Variants in UCK2 observed in about 807,000 individuals in gnomAD.
UCK2 encodes the protein cytidine monophosphokinase 2.
UCK2 carries 6 observed loss-of-function variants against 30.8 expected under a neutral mutation model. The ratio of observed to expected loss-of-function variants is 0.19; its 90% CI spans 0.11 to 0.38. The LOEUF (loss-of-function observed/expected upper bound fraction) is 0.38. Among genes scored for constraint, UCK2 ranks in the 10% least tolerant of loss-of-function variants. The probability of loss-of-function intolerance (pLI) is 1.00; values close to 1 mark genes in which losing one functional copy is unlikely to be tolerated. For missense variants in UCK2, 210 were observed against 339.8 expected, an observed-to-expected ratio of 0.62 and a Z score of 3.00; for synonymous variants, 125 against 133.6, an observed-to-expected ratio of 0.94 and a Z score of 0.45.
At chr1:165,868,669 C>T (rs1655112416) in intron 1 of UCK2, among the ~76,000 whole-genome samples, 1 of 152,204 alleles carries the variant, frequency 6.6e-6, no homozygotes, top group South Asian at 2.1e-4. Context: ...AGAGTTAGGG[C>T]CTTGCTCTGG....
At chr1:165,903,140 T>C in intron 4 of UCK2, 42 bp from the exon 5 acceptor site, 1 of 1,541,194 alleles carries the variant, frequency 6.5e-7, no homozygotes, top group Non-Finnish European at 9.0e-7. Context: ...GTGTGCTGGC[T>C]CCTACACCGT....
At chr1:165,878,158 C>T (rs545742619) in intron 1 of UCK2, among the ~76,000 whole-genome samples, 1 of 152,152 alleles carries the variant, frequency 6.6e-6, no homozygotes, top group Non-Finnish European at 1.5e-5. Context: ...TTCCCCTAAC[C>T]CCTGGCAACC....
intron 1 of UCK2, among the ~76,000 whole-genome samples, chr1:165,860,772 T>C (rs80124829): frequency 0.16 from 23,685 of 152,134 alleles, 2,460 homozygotes; most frequent in Non-Finnish European, 0.23. Flanking sequence ...CTTAACCTTA[T>C]CTCATATCTA....
intron 3 of UCK2, among the ~76,000 whole-genome samples, chr1:165,895,032 C>T (rs1487534576): frequency 6.6e-6 from 1 of 152,210 alleles, no homozygotes; most frequent in African/African-American, 2.4e-5. Context: ...GTGAAAGCTG[C>T]AGCAAGGCAA....
intron 1 of UCK2, among the ~76,000 whole-genome samples, chr1:165,828,264 A>G (rs1008305679): frequency 2.0e-5 from 3 of 151,448 alleles, no homozygotes; most frequent in Non-Finnish European, 4.4e-5. Context: ...TTGTTTTGCA[A>G]CTCCAGTGTC....
chr1:165,858,020 G>A (rs1292128481), intron 1 of UCK2, among the ~76,000 whole-genome samples: 2 of 152,168 alleles, frequency 1.3e-5, no homozygotes, highest in Non-Finnish European at 2.9e-5. Context: ...GAGAAAGAGG[G>A]AGTAAGCATG....
chr1:165,844,658 G>C (rs1156246622), intron 1 of UCK2, among the ~76,000 whole-genome samples: 1 of 152,218 alleles, frequency 6.6e-6, no homozygotes. Context: ...TCAGCCCCAT[G>C]CCCCTGACCT....
At chr1:165,867,756 T>C (rs1003498629) in intron 1 of UCK2, among the ~76,000 whole-genome samples, 1 of 152,274 alleles carries the variant, frequency 6.6e-6, no homozygotes, top group Non-Finnish European at 1.5e-5. Flanking sequence ...CTTACTCCAC[T>C]GAAGTCTTGA....
In UCK2 at chr1:165,891,262, A is replaced by T; in HGVS notation, c.296A>T (p.Lys99Ile). Residue 99 changes from lysine (K) to isoleucine (I), a missense_variant, in exon 3 of 7, where the codon AAA becomes ATA. Transcript: ENST00000367879. ...AATGAACTCATTCTCAAAACACTCAAAGAAATCACTGAAGGGAAAACAGTC... is the reference window on the plus strand; with the variant it reads ...AATGAACTCATTCTCAAAACACTCATAGAAATCACTGAAGGGAAAACAGTC... ...FDNELILKTL[K>I]EITEGKTVQI... The T allele has an allele frequency of 1.2e-6, 2 of 1,614,214 alleles. No individual in the cohort carries two copies. The highest frequency in any genetic ancestry group is 2.2e-5 in the East Asian group (1 of 44,888).
At chr1:165,878,881 G>A (rs377066715) in intron 1 of UCK2, among the ~76,000 whole-genome samples, 24 of 152,332 alleles carry the variant, frequency 1.6e-4, no homozygotes, top group African/African-American at 5.5e-4. Context: ...TAGTTTCACA[G>A]GAAACTGCCA....
At chr1:165,849,432 C>T (rs975500960) in intron 1 of UCK2, among the ~76,000 whole-genome samples, 1 of 152,076 alleles carries the variant, frequency 6.6e-6, no homozygotes, top group Non-Finnish European at 1.5e-5. Flanking sequence ...CTCTATGGGG[C>T]TGCAGTCAAT....
chr1:165,895,054 A>T (rs1253883586), intron 3 of UCK2, among the ~76,000 whole-genome samples: 2 of 152,242 alleles, frequency 1.3e-5, no homozygotes, highest in South Asian at 4.1e-4. Context: ...GCTGAGCACA[A>T]GCAAGGCCAT....
At chr1:165,848,088 G>T (rs1446362697) in intron 1 of UCK2, among the ~76,000 whole-genome samples, 1 of 152,116 alleles carries the variant, frequency 6.6e-6, no homozygotes, top group Non-Finnish European at 1.5e-5. Context: ...GGTTAAATTG[G>T]CATTTAGTGT....
intron 3 of UCK2, 86 bp from the exon 4 acceptor site, chr1:165,896,104 A>C: frequency 1.3e-6 from 2 of 1,557,030 alleles, no homozygotes; most frequent in South Asian, 1.2e-5. Context: ...CCCAGAACCC[A>C]GCCCAGCCAG....
At chr1:165,875,840 G>A (rs559055032) in intron 1 of UCK2, among the ~76,000 whole-genome samples, 76 of 152,298 alleles carry the variant, frequency 5.0e-4, no homozygotes, top group Admixed American at 6.5e-4. Flanking sequence ...CAGCTATCCG[G>A]AAACTCCCTG....
intron 1 of UCK2, among the ~76,000 whole-genome samples, chr1:165,852,244 T>A (rs1654615230): frequency 1.3e-5 from 2 of 152,138 alleles, no homozygotes; most frequent in South Asian, 4.1e-4. Context: ...CTAAAGAACT[T>A]CTGCACAGCA....
At chr1:165,869,643 G>GA (rs1655145660) in intron 1 of UCK2, among the ~76,000 whole-genome samples, 1 of 137,884 alleles carries the variant, frequency 7.3e-6, no homozygotes, top group Non-Finnish European at 1.5e-5. Context: ...GTATGAAAGA[G>GA]AATCTCATCA....
intron 1 of UCK2, among the ~76,000 whole-genome samples, chr1:165,871,135 G>A (rs1324775256): frequency 6.6e-6 from 1 of 152,064 alleles, no homozygotes; most frequent in Non-Finnish European, 1.5e-5. Context: ...GTTTAGTATG[G>A]TTTCTTTTTG....
At chr1:165,856,438 C>T (rs1362935695) in intron 1 of UCK2, among the ~76,000 whole-genome samples, 27 of 133,262 alleles carry the variant, frequency 2.0e-4, no homozygotes, top group African/African-American at 7.0e-4. Flanking sequence ...AAATTTCCTC[C>T]CCCCACCCCC....
Sources: allele counts gnomAD v4.1 joint callset (sites outside exome capture counted in the v4.1 genomes callset), GRCh38; gene constraint gnomAD v4.1.1; transcripts MANE v1.5; gene names NCBI Gene and HGNC (gene_info 2026-07-23, HGNC 2026-07-21).